The following MEF2C variants were observed in gnomAD, a reference collection of about 807,000 sequenced individuals.
MEF2C encodes myocyte enhancer factor 2C.
In MEF2C, 6 loss-of-function variants were observed where a neutral mutation model predicts 50.5. That is an observed-to-expected ratio of 0.12 (90% CI 0.07 to 0.23). The LOEUF is 0.23. MEF2C is among the 10% of genes least tolerant of loss of function. MEF2C has a pLI of 1.00. For missense variants in MEF2C, 276 were observed against 605.0 expected, an observed-to-expected ratio of 0.46 and a Z score of 5.70; for synonymous variants, 183 against 228.0, an observed-to-expected ratio of 0.80 and a Z score of 1.78.
intron 3 of MEF2C, among the ~76,000 whole-genome samples, chr5:88,799,905 CACACACACAGAG>C (rs746346124): frequency 0.056 from 5,822 of 104,406 alleles, 155 homozygotes; most frequent in Non-Finnish European, 0.096. Flanking sequence ...CACACACACA[CACACACACAGAG>C]AGAGAGACAC....
At chr5:88,755,237 G>A (rs1394035344) in intron 4 of MEF2C, among the ~76,000 whole-genome samples, 2 of 152,158 alleles carry the variant, frequency 1.3e-5, no homozygotes, top group African/African-American at 4.8e-5. Context: ...TCTATTTACT[G>A]TATATTACTT....
intron 2 of MEF2C, among the ~76,000 whole-genome samples, chr5:88,806,932 A>C (rs1330163277): frequency 6.6e-6 from 1 of 152,198 alleles, no homozygotes; most frequent in Non-Finnish European, 1.5e-5. Context: ...GGCACATGGT[A>C]AAAATCCATG....
intron 2 of MEF2C, among the ~76,000 whole-genome samples, chr5:88,816,188 C>G (rs1231895067): frequency 2.0e-5 from 3 of 152,024 alleles, no homozygotes. Flanking sequence ...GTTGGCCTCT[C>G]TCAGATTTCC....
At chr5:88,823,615 A>C in intron 2 of MEF2C, 120 bp downstream of exon 2, 1 of 930,672 alleles carries the variant, frequency 1.1e-6, no homozygotes, top group Non-Finnish European at 1.6e-6. Context: ...GGTCACATTT[A>C]ATTAACCCAA....
chr5:88,792,301 C>T (rs1794140128), intron 3 of MEF2C, among the ~76,000 whole-genome samples: 1 of 152,094 alleles, frequency 6.6e-6, no homozygotes, highest in African/African-American at 2.4e-5. Context: ...GCCTGGACAA[C>T]TTGCAAGTGC....
intron 1 of MEF2C, among the ~76,000 whole-genome samples, chr5:88,860,231 T>A (rs1476090529): frequency 6.6e-6 from 1 of 152,198 alleles, no homozygotes. Context: ...AAGTACCTTC[T>A]AATTTTCTTC....
Position 88,804,908 on chromosome 5 carries a change from A to G in MEF2C, c.55-107T>C, listed in dbSNP as rs898154495. On this transcript the variant is annotated intron_variant, in intron 2 of 10. Transcript: ENST00000504921. ...CACAAAACAATGGTGTGTAGTTGTC[A>G]GAGCCCTGGGCACTAACACATTCAG... The G allele has an allele frequency of 8.2e-5, 66 of 808,500 alleles. 1 individual carries two copies. The South Asian group carries it at 1.1e-3, about 13-fold the overall frequency. The allele number at this position is 808,500 out of a possible 1,614,324, so 50.1% of individuals were successfully genotyped here.
intron 3 of MEF2C, among the ~76,000 whole-genome samples, chr5:88,799,903 CACACACACACAGAG>C (rs779611689): frequency 1.7e-3 from 163 of 94,840 alleles, no homozygotes; most frequent in Middle Eastern, 9.8e-3. Context: ...CACACACACA[CACACACACACAGAG>C]AGAGAGACAC....
intron 6 of MEF2C, chr5:88,736,730 C>A: frequency 1.0e-6 from 1 of 985,334 alleles, no homozygotes; most frequent in Non-Finnish European, 1.2e-6. Context: ...TACATGAGTG[C>A]TTAACACAGT....
At chr5:88,871,879 T>C (rs944683335) in intron 1 of MEF2C, among the ~76,000 whole-genome samples, 1 of 152,060 alleles carries the variant, frequency 6.6e-6, no homozygotes, top group Non-Finnish European at 1.5e-5. Context: ...GTGGTCATAA[T>C]GAATAAGCCC....
At chr5:88,887,726 T>C (rs1255362359), upstream of MEF2C, 1 of 152,206 alleles carries the variant, frequency 6.6e-6, no homozygotes, top group African/African-American at 2.4e-5. Flanking sequence ...AACCAAAGTG[T>C]TTTGAATATA....
At chr5:88,857,660 T>C (rs1333239172) in intron 1 of MEF2C, among the ~76,000 whole-genome samples, 2 of 152,202 alleles carry the variant, frequency 1.3e-5, no homozygotes, top group Non-Finnish European at 2.9e-5. Flanking sequence ...TAGTGAGTTC[T>C]CATGAGATCT....
chr5:88,788,472 A>T (rs981129434), intron 3 of MEF2C, among the ~76,000 whole-genome samples: 1 of 151,978 alleles, frequency 6.6e-6, no homozygotes, highest in African/African-American at 2.4e-5. Flanking sequence ...GGCCTCCCAA[A>T]GTGCTGGGAT....
At chr5:88,803,648 C>G (rs1275474129) in intron 3 of MEF2C, among the ~76,000 whole-genome samples, 1 of 152,160 alleles carries the variant, frequency 6.6e-6, no homozygotes, top group Non-Finnish European at 1.5e-5. Flanking sequence ...CTTATTATAC[C>G]TCTTCCTTTG....
At position 88,823,803 on chromosome 5, in the gene MEF2C, TTC is replaced by T. The variant is rs769963860; in HGVS notation, c.-17_-16del. 13 of 1,608,060 alleles carry T rather than the reference TTC, an allele frequency of 8.1e-6. No individual in the cohort carries two copies. The highest frequency in any genetic ancestry group is 2.2e-5 in the East Asian group (1 of 44,684). The stretch of plus-strand genomic sequence containing the variant: ...TTTCTCCCCATAGTCCCCGTTTTTC[TTC>T]TCTCTCTCGTCCCTGAAATTATGTA... On this transcript the variant is annotated 5_prime_UTR_variant, in exon 2 of 11. Coordinates refer to ENST00000504921, the MANE Select transcript of MEF2C (RefSeq NM_002397.5).
intron 8 of MEF2C, chr5:88,729,652 T>G (rs1263677618): frequency 3.2e-6 from 1 of 310,372 alleles, no homozygotes; most frequent in African/African-American, 2.2e-5. Flanking sequence ...TATACTGTAC[T>G]TCCATTGTTT....
At chr5:88,744,161 G>C in intron 6 of MEF2C, 1 of 983,686 alleles carries the variant, frequency 1.0e-6, no homozygotes, top group Non-Finnish European at 1.2e-6. Flanking sequence ...CCAACACAAG[G>C]CATTGCTCTG....
At chr5:88,879,511 T>C (rs1016753826) in intron 1 of MEF2C, among the ~76,000 whole-genome samples, 4 of 151,984 alleles carry the variant, frequency 2.6e-5, no homozygotes, top group African/African-American at 9.7e-5. Flanking sequence ...TAATGGATAT[T>C]GACTATTATG....
intron 3 of MEF2C, among the ~76,000 whole-genome samples, chr5:88,802,179 C>G (rs540606602): frequency 1.1e-4 from 17 of 152,202 alleles, no homozygotes; most frequent in Non-Finnish European, 1.8e-4. Flanking sequence ...TTCTTTACTC[C>G]TGTTTTACAA....
Sources: gnomAD v4.1 joint callset for allele counts (sites outside exome capture counted in the v4.1 genomes callset) on GRCh38, gnomAD v4.1.1 for gene constraint, MANE v1.5 for transcripts, NCBI Gene and HGNC (gene_info 2026-07-23, HGNC 2026-07-21) for gene names.